The following PTPRD variants were observed in gnomAD, a reference collection of about 807,000 sequenced individuals.
PTPRD encodes the protein receptor-type tyrosine-protein phosphatase delta.
In PTPRD, 34 loss-of-function variants were observed where a neutral mutation model predicts 214.5. The ratio of observed to expected loss-of-function variants is 0.16; its 90% CI spans 0.12 to 0.21. The LOEUF (loss-of-function observed/expected upper bound fraction) is 0.21. Ranked by LOEUF, PTPRD falls within the 10% of genes least tolerant of loss-of-function variation. PTPRD has a pLI of 1.00. For synonymous variants in PTPRD, 1,128 were observed against 845.7 expected (o/e 1.33, Z -5.79); for missense variants, 2,545 against 2,398.7 (o/e 1.06, Z -1.27).
intron 5 of PTPRD, among the ~76,000 whole-genome samples, chr9:9,922,672 C>CA (rs1325008130): frequency 6.6e-6 from 1 of 151,710 alleles, no homozygotes; most frequent in Non-Finnish European, 1.5e-5. Flanking sequence ...TAAAAAATAA[C>CA]AAAAAAGTTA....
intron 12 of PTPRD, among the ~76,000 whole-genome samples, chr9:8,660,660 G>C (rs1819979799): frequency 1.3e-5 from 2 of 152,060 alleles, no homozygotes; most frequent in Admixed American, 6.6e-5. Context: ...AACTGGACTT[G>C]TTCTTTCTTC....
At chr9:9,833,629 G>A (rs1363515401) in intron 5 of PTPRD, among the ~76,000 whole-genome samples, 1 of 105,056 alleles carries the variant, frequency 9.5e-6, no homozygotes, top group Non-Finnish European at 2.0e-5. Context: ...ATGGGAGACT[G>A]GAGTTTATTT....
chr9:10,367,238 A>T (rs894012870), intron 2 of PTPRD, among the ~76,000 whole-genome samples: 1 of 152,180 alleles, frequency 6.6e-6, no homozygotes, highest in Non-Finnish European at 1.5e-5. Flanking sequence ...TTAAGGAGAA[A>T]ATTCAATTGT....
chr9:8,803,749 A>AG (rs2096617547), intron 11 of PTPRD, among the ~76,000 whole-genome samples: 1 of 151,926 alleles, frequency 6.6e-6, no homozygotes, highest in Non-Finnish European at 1.5e-5. Context: ...AAAAAAAAAA[A>AG]AGAAAAGAAA....
At position 9,474,433 on chromosome 9, in the gene PTPRD, G is replaced by A. The variant is rs190954546; in HGVS notation, c.-236-76951C>T. On this transcript the variant is annotated intron_variant, in intron 8 of 45. Transcript: ENST00000381196. ...TTGCTTTGGCTATTCAAGGACCTTTGTGGTCCCATATATATTTTAGAATTT... is the reference window on the plus strand; with the variant it reads ...TTGCTTTGGCTATTCAAGGACCTTTATGGTCCCATATATATTTTAGAATTT... 7.9e-5 allele frequency among the ~76,000 whole-genome samples: 12 copies of A among 152,060 alleles called. No homozygotes were observed. The East Asian group carries it at 2.3e-3, about 29-fold the overall frequency.
chr9:9,502,834 C>T (rs878922911), intron 8 of PTPRD, among the ~76,000 whole-genome samples: 2 of 151,804 alleles, frequency 1.3e-5, no homozygotes, highest in South Asian at 2.1e-4. Context: ...AAAGAATATG[C>T]AAAATGAGAT....
intron 11 of PTPRD, among the ~76,000 whole-genome samples, chr9:8,884,601 G>C (rs75435382): frequency 1.7e-3 from 266 of 152,288 alleles, no homozygotes; most frequent in African/African-American, 5.9e-3. Context: ...GACTAGACTA[G>C]CTATTCCGAA....
At chr9:9,897,161 C>CACACACACACACACA (rs765296362) in intron 5 of PTPRD, among the ~76,000 whole-genome samples, 1 of 150,320 alleles carries the variant, frequency 6.7e-6, no homozygotes. Context: ...CACACACACA[C>CACACACACACACACA]CGCTGCTAAA....
chr9:10,361,101 A>G (rs1363189152), intron 2 of PTPRD, among the ~76,000 whole-genome samples: 1 of 152,202 alleles, frequency 6.6e-6, no homozygotes, highest in African/African-American at 2.4e-5. Context: ...CTCTGTCTCA[A>G]AAACAAAACA....
At chr9:10,335,940 T>C (rs142589346) in intron 3 of PTPRD, among the ~76,000 whole-genome samples, 199 of 151,870 alleles carry the variant, frequency 1.3e-3, no homozygotes, top group Admixed American at 8.6e-4. Context: ...CTGAAAACAC[T>C]AAATGCTGTC....
intron 5 of PTPRD, among the ~76,000 whole-genome samples, chr9:9,847,413 C>A (rs543481953): frequency 6.6e-6 from 1 of 152,188 alleles, no homozygotes; most frequent in Admixed American, 6.5e-5. Flanking sequence ...AAATTTTATA[C>A]AATTGATGCT....
rs777740016 is a variant in PTPRD at position 8,878,388 on chromosome 9, A to G, written c.-104+140309T>C. Among the ~76,000 whole-genome samples the G allele has an allele frequency of 7.9e-5, 12 of 152,200 alleles. No individual in the cohort carries two copies. In the South Asian group the frequency reaches 8.3e-4, roughly 11 times the overall value. Reference sequence around the variant, plus strand: ...AGAGACAGAACCAGTAAGTGGGGCTAAGGTGGGGGATGGTGGGGAACAAAA... The same window carrying G: ...AGAGACAGAACCAGTAAGTGGGGCTGAGGTGGGGGATGGTGGGGAACAAAA... On this transcript the variant is annotated intron_variant, in intron 11 of 45. Coordinates refer to ENST00000381196, the MANE Select transcript of PTPRD (RefSeq NM_002839.4).
chr9:10,587,991 C>T lies in PTPRD; in HGVS notation c.-600+24407G>A, dbSNP rs762850807. 2.0e-5 allele frequency among the ~76,000 whole-genome samples: 3 copies of T among 151,956 alleles called. No homozygotes were observed. The South Asian group carries it at 6.2e-4, about 31-fold the overall frequency. ...AATACAGCTCATATATCAGGGTTAT[C>T]CTCACAAAAGATAATTCCAGTACCA... is the stretch of plus-strand genomic sequence containing the variant. On this transcript the variant is annotated intron_variant, in intron 2 of 45. Coordinates refer to ENST00000381196, the MANE Select transcript of PTPRD (RefSeq NM_002839.4).
intron 4 of PTPRD, among the ~76,000 whole-genome samples, chr9:9,964,126 G>C (rs1300208173): frequency 9.1e-6 from 1 of 110,414 alleles, no homozygotes; most frequent in Non-Finnish European, 2.2e-5. Flanking sequence ...ACAGATGCCT[G>C]TATGGGCTTT....
chr9:8,536,166 C>A (rs1564149679), intron 14 of PTPRD, among the ~76,000 whole-genome samples: 1 of 151,824 alleles, frequency 6.6e-6, no homozygotes, highest in South Asian at 2.1e-4. Context: ...GATTTGGTGT[C>A]TTTTTATTGT....
intron 11 of PTPRD, among the ~76,000 whole-genome samples, chr9:8,784,738 A>G (rs2095868092): frequency 6.6e-6 from 1 of 152,162 alleles, no homozygotes; most frequent in Non-Finnish European, 1.5e-5. Flanking sequence ...CTACATCCAC[A>G]TTAGTTAACA....
intron 5 of PTPRD, among the ~76,000 whole-genome samples, chr9:9,882,850 T>G (rs2069270422): frequency 6.6e-6 from 1 of 152,120 alleles, no homozygotes; most frequent in African/African-American, 2.4e-5. Context: ...TTTCGGCCAC[T>G]GGGGTGAATC....
At chr9:9,702,200 T>A (rs1280148530) in intron 7 of PTPRD, among the ~76,000 whole-genome samples, 1 of 152,024 alleles carries the variant, frequency 6.6e-6, no homozygotes, top group African/African-American at 2.4e-5. Context: ...GCTAAGAACA[T>A]TTATGGGAGT....
At chr9:9,578,361 T>A (rs1393698305) in intron 7 of PTPRD, among the ~76,000 whole-genome samples, 1 of 152,104 alleles carries the variant, frequency 6.6e-6, no homozygotes, top group Non-Finnish European at 1.5e-5. Flanking sequence ...ATTGGATCTA[T>A]GATGTAGTGT....
Sources: gnomAD v4.1 joint callset for allele counts (sites outside exome capture counted in the v4.1 genomes callset) on GRCh38, gnomAD v4.1.1 for gene constraint, MANE v1.5 for transcripts, NCBI Gene and HGNC (gene_info 2026-07-23, HGNC 2026-07-21) for gene names.